CSMD2: variants seen among roughly 807,000 people sequenced by gnomAD.
CSMD2 encodes the protein CUB and sushi domain-containing protein 2.
A neutral mutation model predicts 398.5 loss-of-function variants in CSMD2; 130 were observed. The ratio of observed to expected loss-of-function variants is 0.33; its 90% CI spans 0.28 to 0.38. The LOEUF (loss-of-function observed/expected upper bound fraction) is 0.38. CSMD2 is among the 10% of genes least tolerant of loss of function. The pLI is 1.00. For synonymous variants in CSMD2, 1,828 were observed against 1,908.5 expected, an observed-to-expected ratio of 0.96 and a Z score of 1.10; for missense variants, 3,829 against 4,764.9, an observed-to-expected ratio of 0.80 and a Z score of 5.78.
intron 29 of CSMD2, among the ~76,000 whole-genome samples, chr1:33,639,244 C>A (rs1642975193): frequency 1.3e-5 from 2 of 152,186 alleles, no homozygotes; most frequent in African/African-American, 4.8e-5. Flanking sequence ...GCTCCCTCAT[C>A]AATCCTGGGC....
intron 15 of CSMD2, among the ~76,000 whole-genome samples, chr1:33,729,190 G>C (rs908312056): frequency 2.0e-5 from 3 of 152,144 alleles, no homozygotes; most frequent in Admixed American, 6.5e-5. Flanking sequence ...TGCCTGTCTA[G>C]GCCACTCTCC....
chr1:33,601,109 G>A (rs1640187641), intron 43 of CSMD2, 99 bp from the exon 44 acceptor site: 1 of 1,485,404 alleles, frequency 6.7e-7, no homozygotes, highest in Non-Finnish European at 9.2e-7. Context: ...TGGAGTGGGA[G>A]GCTATGATTC....
intron 29 of CSMD2, among the ~76,000 whole-genome samples, chr1:33,638,839 T>G (rs942632920): frequency 1.3e-5 from 2 of 152,194 alleles, no homozygotes; most frequent in Non-Finnish European, 2.9e-5. Flanking sequence ...CACCCTCCTC[T>G]GCTATATTTC....
intron 21 of CSMD2, among the ~76,000 whole-genome samples, chr1:33,711,167 A>ATGAGGG (rs1645974511): frequency 6.6e-6 from 1 of 151,874 alleles, no homozygotes; most frequent in Non-Finnish European, 1.5e-5. Context: ...ATGATCTCAG[A>ATGAGGG]TGAGGGTGAG....
rs756784492 is a variant in CSMD2 at position 33,759,324 on chromosome 1, C to CT, written c.1846+13244dup. ...GCTTGAGTTTCTTTTCTTTTTTTTT[C>CT]TTTTTTTTTTTTTTTTTTTGAGACA... On this transcript the variant is annotated intron_variant, in intron 13 of 70. Coordinates refer to ENST00000373381, the MANE Select transcript of CSMD2 (RefSeq NM_001281956.2). Among the ~76,000 whole-genome samples, 915 of 124,752 alleles carry CT rather than the reference C, an allele frequency of 7.3e-3. 13 individuals carry two copies. The highest frequency in any genetic ancestry group is 0.019 in the South Asian group (71 of 3,836). The allele number at this position is 124,752 out of a possible 152,430, so 81.8% of individuals were successfully genotyped here. A position where few individuals can be genotyped will look rare whatever the true frequency, so the allele number is the denominator to read the frequency against.
rs2148860390 is a variant in CSMD2 at position 33,617,687 on chromosome 1, G to C, written c.5828-70C>G. The C allele has an allele frequency of 6.9e-6, 8 of 1,165,968 alleles. No individual in the cohort carries two copies. The South Asian group carries it at 9.8e-5, about 14-fold the overall frequency. 72.2% of individuals were successfully genotyped at this position (1,165,968 alleles called of 1,614,324 possible). ...GCAGGTCAACGTGGCGGTAGGCTGG[G>C]GTGAGATGCTGGTGGCAGGGAGAAG... On this transcript the variant is annotated intron_variant, in intron 37 of 70. Transcript: ENST00000373381.
intron 13 of CSMD2, chr1:33,772,084 C>A (rs1166225690): frequency 6.5e-6 from 1 of 153,882 alleles, no homozygotes; most frequent in East Asian, 1.9e-4. Context: ...CCTTTTCCCT[C>A]CCTAAATCCA....
chr1:34,139,429 T>A (rs899263716), intron 1 of CSMD2, among the ~76,000 whole-genome samples: 1 of 152,224 alleles, frequency 6.6e-6, no homozygotes, highest in Non-Finnish European at 1.5e-5. Flanking sequence ...GCCTCCAGAA[T>A]TGTAAGAGAT....
At chr1:33,772,531 G>A (rs750047627) in intron 13 of CSMD2, 38 bp downstream of exon 13, 2 of 1,586,554 alleles carry the variant, frequency 1.3e-6, no homozygotes, top group African/African-American at 1.3e-5. Context: ...CTGCCTCTCA[G>A]TGAAGACCCT....
intron 2 of CSMD2, among the ~76,000 whole-genome samples, chr1:34,057,028 G>A (rs1403037848): frequency 6.6e-6 from 1 of 152,122 alleles, no homozygotes; most frequent in Non-Finnish European, 1.5e-5. Flanking sequence ...TTGCTCCTGG[G>A]GTCATTAGCT....
intron 3 of CSMD2, among the ~76,000 whole-genome samples, chr1:34,014,876 T>C (rs1647866243): frequency 1.3e-5 from 2 of 152,218 alleles, no homozygotes; most frequent in South Asian, 4.1e-4. Context: ...GAAACAAAGA[T>C]ACTCTCTGTA....
Position 33,624,382 on chromosome 1 carries a change from T to G in CSMD2, c.5625+137A>C, listed in dbSNP as rs1570984234. ...GAGCCTCCTTAGCCGCAGGGGCAGG[T>G]ACAGGGCTGATATGTCTCTTCCTGG... On this transcript the variant is annotated intron_variant, in intron 35 of 70. Coordinates refer to ENST00000373381, the MANE Select transcript of CSMD2 (RefSeq NM_001281956.2). The surrounding 1 kb of genome is among the most constrained non-coding windows in gnomAD (Gnocchi z 4.7). 1.8e-6 allele frequency: 2 copies of G among 1,106,476 alleles called. No homozygotes were observed. 68.5% of individuals were successfully genotyped at this position (1,106,476 alleles called of 1,614,324 possible).
intron 53 of CSMD2, among the ~76,000 whole-genome samples, chr1:33,561,361 C>T (rs564417611): frequency 7.0e-4 from 107 of 152,290 alleles, no homozygotes; most frequent in African/African-American, 2.5e-3. Flanking sequence ...CAGCTCTGCC[C>T]CTTCCTGACT....
At chr1:33,688,607 T>C (rs1645133030) in intron 25 of CSMD2, among the ~76,000 whole-genome samples, 1 of 152,200 alleles carries the variant, frequency 6.6e-6, no homozygotes, top group African/African-American at 2.4e-5. Flanking sequence ...GGAGAATCAC[T>C]TGAGGCCAGG....
intron 41 of CSMD2, among the ~76,000 whole-genome samples, chr1:33,606,225 G>C (rs137880748): frequency 6.6e-6 from 1 of 152,324 alleles, no homozygotes; most frequent in Non-Finnish European, 1.5e-5. Context: ...AACAGCCTTC[G>C]TGGCAGTAAT....
chr1:34,162,584 C>A (rs1477602347), intron 1 of CSMD2, among the ~76,000 whole-genome samples: 2 of 152,066 alleles, frequency 1.3e-5, no homozygotes, highest in Admixed American at 1.3e-4. Flanking sequence ...CTGGGCTGGG[C>A]GCGGTGGCTC....
intron 52 of CSMD2, among the ~76,000 whole-genome samples, chr1:33,568,124 AG>A (rs1659230439): frequency 6.6e-6 from 1 of 151,640 alleles, no homozygotes; most frequent in Non-Finnish European, 1.5e-5. Flanking sequence ...GATACAAAAA[AG>A]CCTTCTATAA....
chr1:34,163,045 T>A lies in CSMD2; in HGVS notation c.187+1866A>T, dbSNP rs1324897017. On this transcript the variant is annotated intron_variant, in intron 1 of 70. Coordinates refer to ENST00000373381, the MANE Select transcript of CSMD2 (RefSeq NM_001281956.2). This position sits in a 1 kb window ranked among gnomAD's most constrained non-coding sequence, Gnocchi z 5.4. ...CTATAGGGCAGGATTCCAGCACCGC[T>A]GAGCGGTGCAAGCGCCGGTGAGTCG... Among the ~76,000 whole-genome samples, 1 of 152,160 alleles carries A rather than the reference T, an allele frequency of 6.6e-6. No homozygotes were observed. The highest frequency in any genetic ancestry group is 6.5e-5 in the Admixed American group (1 of 15,286).
intron 43 of CSMD2, 40 bp from the exon 44 acceptor site, chr1:33,601,050 C>A (rs1640184259): frequency 6.2e-7 from 1 of 1,611,640 alleles, no homozygotes; most frequent in Non-Finnish European, 8.5e-7. Context: ...TCACTAGTCA[C>A]CATGGCTGCC....
Sources: allele counts gnomAD v4.1 joint callset (sites outside exome capture counted in the v4.1 genomes callset), GRCh38; gene constraint gnomAD v4.1.1; non-coding constraint Gnocchi (gnomAD v3.1); transcripts MANE v1.5; gene names NCBI Gene and HGNC (gene_info 2026-07-23, HGNC 2026-07-21).